Variants in CROCC observed in about 807,000 individuals in gnomAD.
The protein encoded by CROCC is ciliary rootlet coiled-coil, rootletin.
Under a neutral mutation model 245.2 loss-of-function variants are expected in CROCC, and 180 were observed. That is an observed-to-expected ratio of 0.73 (90% CI 0.65 to 0.83). The LOEUF (loss-of-function observed/expected upper bound fraction) is 0.83. CROCC is among the 40% of genes least tolerant of loss of function. The probability of loss-of-function intolerance (pLI) is 0.00; values close to 1 mark genes in which losing one functional copy is unlikely to be tolerated. For missense variants in CROCC, 2,688 were observed against 2,779.4 expected (o/e 0.97, Z 0.74); for synonymous variants, 1,205 against 1,241.6 (o/e 0.97, Z 0.62).
chr1:16,931,771 T>C (rs2075682513), intron 8 of CROCC, among the ~76,000 whole-genome samples: 1 of 152,270 alleles, frequency 6.6e-6, no homozygotes. Flanking sequence ...ATTTTTTTTT[T>C]TTCTCAGACG....
At chr1:16,958,425 C>G (rs1039694939) in intron 25 of CROCC, among the ~76,000 whole-genome samples, 158 bp from the exon 26 acceptor site, 1 of 152,186 alleles carries the variant, frequency 6.6e-6, no homozygotes, top group African/African-American at 2.4e-5. Flanking sequence ...TGGCATCGCC[C>G]AAGTTCAGTG....
chr1:16,960,808 C>G lies in CROCC; in HGVS notation c.4083C>G (p.Thr1361=). The G allele has an allele frequency of 1.3e-6, 2 of 1,526,436 alleles. No individual in the cohort carries two copies. The highest frequency in any genetic ancestry group is 1.7e-6 in the Non-Finnish European group (2 of 1,143,298). 94.6% of individuals were successfully genotyped at this position (1,526,436 alleles called of 1,614,324 possible). A position where few individuals can be genotyped will look rare whatever the true frequency, so the allele number is the denominator to read the frequency against. ...KLQEQEGEFR[T]RERRLLGSLE... Reference sequence around the variant, plus strand: ...AGGAACAAGAAGGCGAGTTCCGGACCCGCGAGCGACGCCTGCTGGGCTCCC... The same window carrying G: ...AGGAACAAGAAGGCGAGTTCCGGACGCGCGAGCGACGCCTGCTGGGCTCCC... The change falls in exon 27 of 37, where the codon ACC becomes ACG. Residue 1361 remains threonine (T), a synonymous_variant. Coordinates refer to ENST00000375541, the MANE Select transcript of CROCC (RefSeq NM_014675.5).
intron 15 of CROCC, 78 bp from the exon 16 acceptor site, chr1:16,946,181 T>C: frequency 2.7e-6 from 4 of 1,497,692 alleles, no homozygotes. Flanking sequence ...GGTCCATCTC[T>C]CTGGGTCTCT....
intron 1 of CROCC, among the ~76,000 whole-genome samples, chr1:16,914,256 C>G (rs1422544276): frequency 6.6e-5 from 10 of 152,130 alleles, no homozygotes; most frequent in African/African-American, 2.4e-4. Context: ...GCTGTGTGTT[C>G]CGCGACTGCC....
chr1:16,944,916 T>C (rs2076012664), intron 14 of CROCC, among the ~76,000 whole-genome samples: 2 of 152,282 alleles, frequency 1.3e-5, no homozygotes, highest in African/African-American at 4.8e-5. Flanking sequence ...TCAGGCACTA[T>C]TTTAAGCACA....
intron 13 of CROCC, chr1:16,940,809 C>T (rs1426409913): frequency 2.3e-5 from 8 of 350,130 alleles, no homozygotes; most frequent in East Asian, 1.9e-4. Context: ...TCACTGTAAC[C>T]TGGAACTCCC....
intron 15 of CROCC, 73 bp from the exon 16 acceptor site, chr1:16,946,186 G>A (rs2076040884): frequency 6.6e-7 from 1 of 1,516,700 alleles, no homozygotes; most frequent in African/African-American, 1.4e-5. Flanking sequence ...ATCTCTCTGG[G>A]TCTCTTCTTG....
chr1:16,968,302 C>A lies in CROCC; in HGVS notation c.4960C>A (p.Leu1654Met). ...LDASESRTVK[L>M]ELQRRSLEGE... is the part of the protein sequence containing the mutation. ...CGCCTCCGAGAGCCGCACTGTCAAG[C>A]TGGAGCTGCAGCGGCGCTCGCTTGA... The change falls in exon 31 of 37, where the codon CTG (leucine) becomes ATG (methionine). Residue 1654 changes from leucine to methionine, a missense_variant. Transcript: ENST00000375541. The A allele has an allele frequency of 6.4e-7, 1 of 1,552,344 alleles. No homozygotes were observed. Among genetic ancestry groups the A allele is most frequent in the Non-Finnish European group, 8.7e-7 (1 of 1,148,792 alleles).
chr1:16,936,313 G>T (rs2075786825), intron 8 of CROCC, among the ~76,000 whole-genome samples: 1 of 152,248 alleles, frequency 6.6e-6, no homozygotes, highest in African/African-American at 2.4e-5. Context: ...TGTCACCCAG[G>T]CTGGAGTGCA....
chr1:16,942,824 G>A (rs577630591), intron 13 of CROCC, among the ~76,000 whole-genome samples: 453 of 152,290 alleles, frequency 3.0e-3, no homozygotes, highest in African/African-American at 0.01. Context: ...GCACATTGTC[G>A]ACTGAGCGAG....
chr1:16,941,746 A>C (rs2075938385), intron 13 of CROCC, among the ~76,000 whole-genome samples: 1 of 152,234 alleles, frequency 6.6e-6, no homozygotes, highest in Admixed American at 6.5e-5. Context: ...AAAAAAAAAA[A>C]AGAAAAAATT....
At chr1:16,944,356 T>A (rs1392253065) in intron 14 of CROCC, 74 bp downstream of exon 14, 5 of 1,422,018 alleles carry the variant, frequency 3.5e-6, no homozygotes, top group Non-Finnish European at 4.6e-6. Flanking sequence ...CCCCCTGGGG[T>A]TAGGTGACAC....
chr1:16,928,070 G>A (rs543896221), intron 3 of CROCC, among the ~76,000 whole-genome samples: 36 of 152,384 alleles, frequency 2.4e-4, no homozygotes, highest in African/African-American at 7.5e-4. Context: ...CCCAAGACCC[G>A]AGATGAGCGT....
chr1:16,936,882 C>G lies in CROCC; in HGVS notation c.1193+9C>G. On this transcript the variant is annotated intron_variant, in intron 9 of 36. Coordinates refer to ENST00000375541, the MANE Select transcript of CROCC (RefSeq NM_014675.5). The stretch of plus-strand genomic sequence containing the variant: ...GCTGACCTCAGTGCCAGGTGGGTAC[C>G]TGGTGGATGCCGCACGAGGCAGGCG... 1 of 1,604,918 alleles carries G rather than the reference C, an allele frequency of 6.2e-7. No individual in the cohort carries two copies. Among genetic ancestry groups the G allele is most frequent in the Middle Eastern group, 2.0e-4 (1 of 4,992 alleles).
At position 16,966,599 on chromosome 1, in the gene CROCC, C is replaced by T. The variant is rs59274808; in HGVS notation, c.4860+28C>T. ...GGGCAGGAGCTGAGGGCCAGCGGGG[C>T]GACGGGGAATCTGTGTACCCGAGTG... On this transcript the variant is annotated intron_variant, in intron 30 of 36. Transcript: ENST00000375541. The surrounding 1 kb of genome is among the most constrained non-coding windows in gnomAD (Gnocchi z 4.8). 4.7e-4 allele frequency: 687 copies of T among 1,451,580 alleles called. 1 individual carries two copies. The African/African-American group carries it at 7.9e-3, about 17-fold the overall frequency. The allele number at this position is 1,451,580 out of a possible 1,614,324, so 89.9% of individuals were successfully genotyped here. A position where few individuals can be genotyped will look rare whatever the true frequency, so the allele number is the denominator to read the frequency against.
intron 13 of CROCC, 127 bp downstream of exon 13, chr1:16,940,220 G>T: frequency 9.3e-7 from 1 of 1,074,834 alleles, no homozygotes; most frequent in African/African-American, 1.5e-5. Flanking sequence ...GCCTATTAAC[G>T]TTTATTTATT....
intron 17 of CROCC, 86 bp downstream of exon 17, chr1:16,947,077 G>A (rs369888057): frequency 3.4e-5 from 42 of 1,251,382 alleles, no homozygotes; most frequent in African/African-American, 4.4e-5. Flanking sequence ...CCTGGGTTAA[G>A]TCACAGGCAC....
chr1:16,943,166 CTG>C (rs2075968396), intron 13 of CROCC, among the ~76,000 whole-genome samples: 1 of 152,142 alleles, frequency 6.6e-6, no homozygotes, highest in Admixed American at 6.5e-5. Context: ...CGCTTGAACT[CTG>C]GAGGTGGAGG....
At chr1:16,969,955 C>T (rs763601260) in intron 33 of CROCC, 21 bp downstream of exon 33, 56 of 1,564,142 alleles carry the variant, frequency 3.6e-5, no homozygotes, top group Non-Finnish European at 4.8e-5. Flanking sequence ...GGGTGTGCCC[C>T]CTCTGTCCCC....
Sources: gnomAD v4.1 joint callset for allele counts (sites outside exome capture counted in the v4.1 genomes callset) on GRCh38, gnomAD v4.1.1 for gene constraint, Gnocchi (gnomAD v3.1) non-coding constraint, MANE v1.5 for transcripts, NCBI Gene and HGNC (gene_info 2026-07-23, HGNC 2026-07-21) for gene names.